Variants in DSCAM observed in about 807,000 individuals in gnomAD.
DSCAM encodes DS cell adhesion molecule, also known as cell adhesion molecule DSCAM.
Under a neutral mutation model 217.7 loss-of-function variants are expected in DSCAM, and 47 were observed. The observed-to-expected ratio is 0.22, with a 90% confidence interval of 0.17 to 0.28. DSCAM has a LOEUF of 0.28. Ranked by LOEUF, DSCAM falls within the 10% of genes least tolerant of loss-of-function variation. The pLI is 1.00. For synonymous variants in DSCAM, 1,056 were observed against 1,015.3 expected, an observed-to-expected ratio of 1.04 and a Z score of -0.76; for missense variants, 2,080 against 2,618.3, an observed-to-expected ratio of 0.79 and a Z score of 4.49.
intron 3 of DSCAM, among the ~76,000 whole-genome samples, chr21:40,435,391 C>A (rs772576631): frequency 3.9e-5 from 6 of 152,120 alleles, no homozygotes; most frequent in Non-Finnish European, 7.3e-5. Flanking sequence ...CAGATTTAAG[C>A]CTGGGATCCA....
chr21:40,124,309 A>G lies in DSCAM; in HGVS notation c.3582T>C (p.Gly1194=). The G allele has an allele frequency of 1.9e-6, 3 of 1,613,788 alleles. No individual in the cohort carries two copies. Among genetic ancestry groups the G allele is most frequent in the Non-Finnish European group, 2.5e-6 (3 of 1,179,988 alleles). ...TKEDVPGPPA[G]VKAAAASASM... ...AGGCTGAGGCCGCCGCTGCCTTCAC[A>G]CCCGCGGGAGGACCTGGAACTGGAA... The change falls in exon 20 of 33, where the codon GGT becomes GGC. Residue 1194 remains glycine, a synonymous_variant. Transcript: ENST00000400454.
intron 10 of DSCAM, among the ~76,000 whole-genome samples, chr21:40,280,496 C>T (rs967533064): frequency 6.6e-6 from 1 of 151,934 alleles, no homozygotes; most frequent in African/African-American, 2.4e-5. Context: ...GCCTCAAATG[C>T]TTGAGAAAAA....
intron 10 of DSCAM, among the ~76,000 whole-genome samples, chr21:40,285,407 G>T (rs932046467): frequency 1.3e-5 from 2 of 152,192 alleles, no homozygotes; most frequent in Non-Finnish European, 2.9e-5. Context: ...GGAAGAGCAA[G>T]ATGGGCCCCA....
intron 6 of DSCAM, among the ~76,000 whole-genome samples, chr21:40,344,743 T>C (rs903906937): frequency 6.6e-5 from 10 of 152,216 alleles, no homozygotes; most frequent in African/African-American, 1.7e-4. Context: ...TGTACTGACA[T>C]AGAATTTTCT....
At chr21:40,781,141 T>A (rs2091540497) in intron 1 of DSCAM, among the ~76,000 whole-genome samples, 1 of 152,034 alleles carries the variant, frequency 6.6e-6, no homozygotes, top group African/African-American at 2.4e-5. Context: ...CCAGAGTAGC[T>A]GGGATTACAG....
chr21:40,518,639 T>C (rs1417141149), intron 3 of DSCAM, among the ~76,000 whole-genome samples: 1 of 131,952 alleles, frequency 7.6e-6, no homozygotes, highest in Non-Finnish European at 1.6e-5. Flanking sequence ...CACACACATA[T>C]ATACATGTAT....
intron 3 of DSCAM, among the ~76,000 whole-genome samples, chr21:40,497,666 T>C (rs2076130077): frequency 6.6e-6 from 1 of 152,220 alleles, no homozygotes; most frequent in South Asian, 2.1e-4. Flanking sequence ...ATAGGTTAAT[T>C]AGCTCAATTT....
chr21:40,550,202 G>C (rs2076618289), intron 3 of DSCAM, among the ~76,000 whole-genome samples: 1 of 152,024 alleles, frequency 6.6e-6, no homozygotes. Flanking sequence ...TGCCTCCCAG[G>C]GCTTTCTGCT....
chr21:40,127,724 CCAT>C (rs1425149450), intron 19 of DSCAM, among the ~76,000 whole-genome samples: 2 of 152,138 alleles, frequency 1.3e-5, no homozygotes, highest in African/African-American at 4.8e-5. Flanking sequence ...GGAAATGGCC[CCAT>C]CATCTTCTCA....
intron 3 of DSCAM, among the ~76,000 whole-genome samples, chr21:40,581,715 A>G (rs2076907084): frequency 6.6e-6 from 1 of 152,180 alleles, no homozygotes; most frequent in Non-Finnish European, 1.5e-5. Context: ...TTTGCTACCC[A>G]AGCCTTCCAG....
chr21:40,467,257 C>A (rs2410250), intron 3 of DSCAM, among the ~76,000 whole-genome samples: 38,742 of 152,076 alleles, frequency 0.25, 5,059 homozygotes, highest in Admixed American at 0.3. Flanking sequence ...TTAATTCCAG[C>A]ACATTAACTT....
At chr21:40,287,452 G>A (rs2073842227) in intron 10 of DSCAM, among the ~76,000 whole-genome samples, 1 of 152,200 alleles carries the variant, frequency 6.6e-6, no homozygotes, top group African/African-American at 2.4e-5. Flanking sequence ...CCTGGACATT[G>A]GGAGGGAAGT....
intron 1 of DSCAM, among the ~76,000 whole-genome samples, chr21:40,815,335 GC>G (rs1301127506): frequency 6.6e-6 from 1 of 151,702 alleles, no homozygotes; most frequent in Non-Finnish European, 1.5e-5. Flanking sequence ...CCATCCCTAA[GC>G]CCTCAACCTG....
Position 40,477,895 on chromosome 21 carries a change from C to A in DSCAM, c.509-108650G>T, listed in dbSNP as rs928464896. Among the ~76,000 whole-genome samples the A allele has an allele frequency of 2.6e-5, 4 of 152,202 alleles. No homozygotes were observed. The East Asian group carries it at 7.7e-4, about 29-fold the overall frequency. On this transcript the variant is annotated intron_variant, in intron 3 of 32. Coordinates refer to ENST00000400454, the MANE Select transcript of DSCAM (RefSeq NM_001389.5). ...TATACCTAGAGAAGAGTACATTTAA[C>A]TGAATAGCCCAGCTGAATCATCACC... is the stretch of plus-strand genomic sequence containing the variant.
chr21:40,260,410 C>G (rs1205349911), intron 11 of DSCAM, among the ~76,000 whole-genome samples: 1 of 152,200 alleles, frequency 6.6e-6, no homozygotes, highest in African/African-American at 2.4e-5. Flanking sequence ...CTGCAAAGAG[C>G]AGATGGTGGG....
chr21:40,816,739 A>G (rs1253052861), intron 1 of DSCAM, among the ~76,000 whole-genome samples: 2 of 152,166 alleles, frequency 1.3e-5, no homozygotes, highest in East Asian at 1.9e-4. Context: ...TTATTAAGCA[A>G]CGCTGCTGGG....
intron 11 of DSCAM, among the ~76,000 whole-genome samples, chr21:40,234,983 A>G (rs1569014911): frequency 2.0e-5 from 3 of 152,164 alleles, no homozygotes. Flanking sequence ...AATAAAAATC[A>G]CTATCACTAT....
intron 3 of DSCAM, among the ~76,000 whole-genome samples, chr21:40,651,626 T>G (rs923692847): frequency 1.3e-5 from 2 of 152,174 alleles, no homozygotes; most frequent in Non-Finnish European, 2.9e-5. Flanking sequence ...CTACTGCAAT[T>G]TCGTCACTCT....
chr21:40,697,847 A>T (rs2090611800), intron 2 of DSCAM, among the ~76,000 whole-genome samples: 1 of 152,138 alleles, frequency 6.6e-6, no homozygotes, highest in African/African-American at 2.4e-5. Context: ...TACAAAGTTA[A>T]GGATTTTTTT....
Sources: allele counts gnomAD v4.1 joint callset (sites outside exome capture counted in the v4.1 genomes callset), GRCh38; gene constraint gnomAD v4.1.1; transcripts MANE v1.5; gene names NCBI Gene and HGNC (gene_info 2026-07-23, HGNC 2026-07-21).